The following PRKCE variants were observed in gnomAD, a reference collection of about 807,000 sequenced individuals.
PRKCE encodes the protein protein kinase C epsilon type.
Under a neutral mutation model 85.4 loss-of-function variants are expected in PRKCE, and 16 were observed. That is an observed-to-expected ratio of 0.19 (90% CI 0.13 to 0.28). PRKCE has a LOEUF of 0.28. Ranked by LOEUF, PRKCE falls within the 10% of genes least tolerant of loss-of-function variation. The pLI, the probability that PRKCE is intolerant of heterozygous loss-of-function variation, is 1.00. For missense variants in PRKCE, 573 were observed against 975.2 expected (o/e 0.59, Z 5.49); for synonymous variants, 388 against 371.5 (o/e 1.04, Z -0.51).
chr2:46,169,022 C>G (rs1430098687), intron 14 of PRKCE, among the ~76,000 whole-genome samples: 1 of 152,204 alleles, frequency 6.6e-6, no homozygotes, highest in East Asian at 1.9e-4. Context: ...TCAACCCTCC[C>G]TCACAGAGGG....
chr2:45,826,779 C>T (rs1325565182), intron 1 of PRKCE, among the ~76,000 whole-genome samples: 1 of 152,198 alleles, frequency 6.6e-6, no homozygotes, highest in East Asian at 1.9e-4. Context: ...CATGCAATCC[C>T]TGCCTCCCCT....
chr2:46,030,970 C>T (rs1444232907), intron 10 of PRKCE, among the ~76,000 whole-genome samples: 6 of 152,172 alleles, frequency 3.9e-5, no homozygotes, highest in Admixed American at 3.9e-4. Context: ...CATTTGTTAC[C>T]TGGAGTGCAT....
chr2:45,964,494 C>T (rs924412045), intron 2 of PRKCE, among the ~76,000 whole-genome samples: 10 of 152,252 alleles, frequency 6.6e-5, no homozygotes, highest in African/African-American at 2.4e-4. Context: ...TTCAGCAGGT[C>T]TGCCTGGAGG....
intron 1 of PRKCE, among the ~76,000 whole-genome samples, chr2:45,673,456 T>C (rs1558542299): frequency 6.6e-6 from 1 of 152,218 alleles, no homozygotes; most frequent in Non-Finnish European, 1.5e-5. Context: ...ATTTGATTGT[T>C]CAACACACAT....
intron 1 of PRKCE, among the ~76,000 whole-genome samples, chr2:45,747,915 C>G (rs1406981727): frequency 2.6e-5 from 4 of 152,008 alleles, no homozygotes; most frequent in South Asian, 2.1e-4. Context: ...TTTCATTTCT[C>G]TAATGAGCAA....
Position 46,007,594 on chromosome 2 carries a change from A to G in PRKCE, c.1196A>G (p.Gln399Arg). The G allele has an allele frequency of 1.9e-6, 3 of 1,599,796 alleles. No homozygotes were observed. The highest frequency in any genetic ancestry group is 2.5e-6 in the Non-Finnish European group (3 of 1,179,966). The change falls in exon 9 of 15, where the codon CAG (glutamine) becomes CGG (arginine). Residue 399 changes from glutamine (Q) to arginine (R), a missense_variant. Physicochemically the swap from Gln to Arg is conservative, Grantham distance 43. Coordinates refer to ENST00000306156, the MANE Select transcript of PRKCE (RefSeq NM_005400.3). ...PGENGEVRQGQAKRLGLDEFN... is the reference protein window; with the variant it reads ...PGENGEVRQGRAKRLGLDEFN... ...GAGAATGGCGAAGTCCGGCAAGGCC[A>G]GGCCAAGCGCCTGGGCCTGGATGAG...
intron 1 of PRKCE, among the ~76,000 whole-genome samples, chr2:45,732,822 G>C (rs924472317): frequency 6.6e-6 from 1 of 152,178 alleles, no homozygotes; most frequent in East Asian, 1.9e-4. Context: ...AAACCGACAT[G>C]AGTGAACTGT....
intron 10 of PRKCE, among the ~76,000 whole-genome samples, chr2:46,042,382 G>C (rs1230696023): frequency 3.3e-5 from 5 of 152,240 alleles, no homozygotes; most frequent in African/African-American, 9.6e-5. Flanking sequence ...GCCTGGGTCA[G>C]TTGGAGTTTT....
rs935483876 is a variant in PRKCE at position 45,802,098 on chromosome 2, A to C, written c.349-40902A>C. ...GACCCTATCTTAAAAAAAAAAAAAAAAAAAACACCCAAAAACTTAGCAGGG... is the reference window on the plus strand; with the variant it reads ...GACCCTATCTTAAAAAAAAAAAAAACAAAAACACCCAAAAACTTAGCAGGG... On this transcript the variant is annotated intron_variant, in intron 1 of 14. Coordinates refer to ENST00000306156, the MANE Select transcript of PRKCE (RefSeq NM_005400.3). Among the ~76,000 whole-genome samples, 563 of 151,628 alleles carry C rather than the reference A, an allele frequency of 3.7e-3. 4 individuals are homozygous for C. The highest frequency in any genetic ancestry group is 0.013 in the African/African-American group (539 of 41,360).
At chr2:45,842,778 C>T (rs894945951) in intron 1 of PRKCE, among the ~76,000 whole-genome samples, 5 of 152,192 alleles carry the variant, frequency 3.3e-5, no homozygotes, top group African/African-American at 1.2e-4. Context: ...CCCTGTGTAG[C>T]AAAATTGCCC....
intron 2 of PRKCE, among the ~76,000 whole-genome samples, chr2:45,848,512 T>C (rs940987450): frequency 9.9e-5 from 15 of 152,168 alleles, no homozygotes; most frequent in Admixed American, 9.2e-4. Flanking sequence ...GGTTTTGCCA[T>C]GTTGGCCAGG....
chr2:45,861,750 CA>C (rs1334191470), intron 2 of PRKCE, among the ~76,000 whole-genome samples: 5 of 152,164 alleles, frequency 3.3e-5, no homozygotes, highest in African/African-American at 1.2e-4. Flanking sequence ...AGGTAGTGCA[CA>C]AAGTGCCAGG....
chr2:46,030,414 A>C (rs1574282556), intron 10 of PRKCE, among the ~76,000 whole-genome samples: 1 of 152,260 alleles, frequency 6.6e-6, no homozygotes, highest in East Asian at 1.9e-4. Flanking sequence ...GAATACCCCA[A>C]GTAGTGGGGC....
Position 46,072,041 on chromosome 2 carries a change from C to T in PRKCE, c.1438-14167C>T, listed in dbSNP as rs113094502. ...CAACAATTCTTCACAGAAGACCCCGCGCTATTATAGCAAATATTTATAAGT... is the reference window on the plus strand; with the variant it reads ...CAACAATTCTTCACAGAAGACCCCGTGCTATTATAGCAAATATTTATAAGT... On this transcript the variant is annotated intron_variant, in intron 10 of 14. Coordinates refer to ENST00000306156, the MANE Select transcript of PRKCE (RefSeq NM_005400.3). 7.7e-3 allele frequency among the ~76,000 whole-genome samples: 1,172 copies of T among 152,280 alleles called. 14 individuals are homozygous for T. Among genetic ancestry groups the T allele is most frequent in the African/African-American group, 0.027 (1,132 of 41,526 alleles).
intron 14 of PRKCE, among the ~76,000 whole-genome samples, chr2:46,180,478 G>A (rs1679865420): frequency 6.6e-6 from 1 of 151,078 alleles, no homozygotes; most frequent in African/African-American, 2.5e-5. Context: ...GGAAGCACTA[G>A]GATGTTCAGG....
Position 45,658,378 on chromosome 2 carries a change from TG to T in PRKCE, c.348+5932del, listed in dbSNP as rs377448030. Among the ~76,000 whole-genome samples the T allele has an allele frequency of 2.2e-4, 34 of 152,354 alleles. No homozygotes were observed. The East Asian group carries it at 6.0e-3, about 27-fold the overall frequency. On this transcript the variant is annotated intron_variant, in intron 1 of 14. Coordinates refer to ENST00000306156, the MANE Select transcript of PRKCE (RefSeq NM_005400.3). The stretch of plus-strand genomic sequence containing the variant: ...GGACCTGAGTTAGCCTTCAACTTCA[TG>T]GACAGTCAAGCGTTGTTTGAACTGT...
At chr2:46,093,213 C>T (rs1483658827) in intron 11 of PRKCE, among the ~76,000 whole-genome samples, 2 of 152,142 alleles carry the variant, frequency 1.3e-5, no homozygotes, top group Non-Finnish European at 2.9e-5. Flanking sequence ...TGAGTTAAAT[C>T]AGGGAGGGCC....
intron 2 of PRKCE, among the ~76,000 whole-genome samples, chr2:45,883,932 G>C (rs1695061845): frequency 6.6e-6 from 1 of 152,154 alleles, no homozygotes; most frequent in African/African-American, 2.4e-5. Flanking sequence ...GCTTTGCAGA[G>C]CTGAGGTTTT....
chr2:45,805,303 C>CCACTACA (rs1027250320), intron 1 of PRKCE, among the ~76,000 whole-genome samples: 11 of 152,150 alleles, frequency 7.2e-5, no homozygotes, highest in African/African-American at 2.2e-4. Flanking sequence ...GTGCTCCTAG[C>CCACTACA]CACTACACAT....
Sources: allele counts gnomAD v4.1 joint callset (sites outside exome capture counted in the v4.1 genomes callset), GRCh38; gene constraint gnomAD v4.1.1; transcripts MANE v1.5; gene names NCBI Gene and HGNC (gene_info 2026-07-23, HGNC 2026-07-21).